CHSY3: variants seen among roughly 807,000 people sequenced by gnomAD.
The protein encoded by CHSY3 is N-acetylgalactosaminyl-proteoglycan 3-beta-glucuronosyltransferase 3.
Under a neutral mutation model 67.2 loss-of-function variants are expected in CHSY3, and 35 were observed. That is an observed-to-expected ratio of 0.52 (90% confidence interval 0.40 to 0.69). CHSY3 has a LOEUF of 0.69. CHSY3 is among the 30% of genes least tolerant of loss of function. The pLI is 0.00. For synonymous variants in CHSY3, 474 were observed against 434.7 expected (o/e 1.09, Z -1.12); for missense variants, 1,069 against 1,138.5 (o/e 0.94, Z 0.88).
At chr5:130,083,201 G>A (rs962797551) in intron 2 of CHSY3, among the ~76,000 whole-genome samples, 2 of 151,808 alleles carry the variant, frequency 1.3e-5, no homozygotes, top group African/African-American at 2.4e-5. Context: ...TGATTCAAAA[G>A]CACTATTTGG....
chr5:130,076,528 CAG>C (rs762141203), intron 2 of CHSY3, among the ~76,000 whole-genome samples: 8 of 151,622 alleles, frequency 5.3e-5, no homozygotes. Flanking sequence ...AATGACCTAA[CAG>C]ATAATTTCAG....
chr5:129,966,949 T>G (rs1762485360), intron 2 of CHSY3, among the ~76,000 whole-genome samples: 2 of 151,676 alleles, frequency 1.3e-5, no homozygotes, highest in African/African-American at 4.8e-5. Flanking sequence ...TTGTGTAGGG[T>G]CTCAACGTGT....
At chr5:129,994,735 A>G (rs1763481532) in intron 2 of CHSY3, among the ~76,000 whole-genome samples, 1 of 152,162 alleles carries the variant, frequency 6.6e-6, no homozygotes. Flanking sequence ...CGATGAGTTC[A>G]TGTCGTTTGT....
At chr5:129,959,724 G>A (rs553621232) in intron 2 of CHSY3, among the ~76,000 whole-genome samples, 65 of 152,206 alleles carry the variant, frequency 4.3e-4, no homozygotes, top group Non-Finnish European at 7.8e-4. Context: ...ATCAGCATAG[G>A]AAAGATGCTG....
chr5:129,927,879 T>TTG (rs141852461), intron 2 of CHSY3, among the ~76,000 whole-genome samples: 5 of 151,730 alleles, frequency 3.3e-5, no homozygotes, highest in East Asian at 3.9e-4. Context: ...ATTCCAGTTT[T>TTG]TGTGTGTGTG....
intron 2 of CHSY3, among the ~76,000 whole-genome samples, chr5:129,944,908 A>C (rs1453804713): frequency 6.6e-6 from 1 of 152,242 alleles, no homozygotes; most frequent in Non-Finnish European, 1.5e-5. Context: ...TAGACAAACA[A>C]AAAATAAGTG....
chr5:129,935,963 A>G (rs1328623919), intron 2 of CHSY3, among the ~76,000 whole-genome samples: 5 of 152,196 alleles, frequency 3.3e-5, no homozygotes, highest in Non-Finnish European at 7.4e-5. Flanking sequence ...TGTTGATTCA[A>G]ACACACTTTT....
intron 2 of CHSY3, among the ~76,000 whole-genome samples, chr5:130,135,547 T>C (rs1194307660): frequency 6.6e-6 from 1 of 152,204 alleles, no homozygotes; most frequent in East Asian, 1.9e-4. Flanking sequence ...ACACCAGTCA[T>C]GTTCCTTCAT....
At chr5:129,971,056 G>T (rs949286947) in intron 2 of CHSY3, among the ~76,000 whole-genome samples, 1 of 151,742 alleles carries the variant, frequency 6.6e-6, no homozygotes, top group Admixed American at 6.6e-5. Flanking sequence ...AAAAATATGT[G>T]AAACTATTTA....
At chr5:130,148,410 C>G (rs1229701323) in intron 2 of CHSY3, among the ~76,000 whole-genome samples, 1 of 152,138 alleles carries the variant, frequency 6.6e-6, no homozygotes, top group Non-Finnish European at 1.5e-5. Context: ...GGTATATACC[C>G]AGTAATGGGA....
At chr5:129,930,516 G>T (rs553251116) in intron 2 of CHSY3, among the ~76,000 whole-genome samples, 5 of 145,114 alleles carry the variant, frequency 3.4e-5, no homozygotes, top group Admixed American at 6.9e-5. Context: ...GGCGGGGGGG[G>T]GGTATGAAGT....
intron 2 of CHSY3, among the ~76,000 whole-genome samples, chr5:130,046,148 A>G (rs1246361137): frequency 6.6e-6 from 1 of 152,154 alleles, no homozygotes; most frequent in Non-Finnish European, 1.5e-5. Context: ...TACTTTATTA[A>G]TATCACATTA....
intron 2 of CHSY3, among the ~76,000 whole-genome samples, chr5:130,099,975 T>A (rs1310918905): frequency 6.7e-6 from 1 of 149,064 alleles, no homozygotes; most frequent in Non-Finnish European, 1.5e-5. Context: ...CTCCACTTTA[T>A]TTTAATTGTA....
intron 2 of CHSY3, among the ~76,000 whole-genome samples, chr5:130,049,854 C>T (rs1765278435): frequency 6.6e-6 from 1 of 151,346 alleles, no homozygotes; most frequent in South Asian, 2.1e-4. Flanking sequence ...GGCTCTTCTG[C>T]TTCATAAAGT....
chr5:129,935,455 C>A (rs192813185), intron 2 of CHSY3, among the ~76,000 whole-genome samples: 147 of 152,236 alleles, frequency 9.7e-4, no homozygotes, highest in African/African-American at 3.4e-3. Context: ...TATTAGTCAT[C>A]CCTTAGAAAG....
At chr5:129,912,102 A>T (rs995304729) in intron 2 of CHSY3, among the ~76,000 whole-genome samples, 1 of 152,098 alleles carries the variant, frequency 6.6e-6, no homozygotes, top group Non-Finnish European at 1.5e-5. Flanking sequence ...TGAAATATGG[A>T]CACCTGTTTT....
intron 2 of CHSY3, among the ~76,000 whole-genome samples, chr5:129,983,965 A>G (rs888151655): frequency 2.0e-5 from 3 of 152,130 alleles, no homozygotes; most frequent in Non-Finnish European, 2.9e-5. Context: ...AAAAATTTTA[A>G]TTGTAGGAAA....
At chr5:130,020,806 T>C (rs1031430033) in intron 2 of CHSY3, among the ~76,000 whole-genome samples, 38 of 152,094 alleles carry the variant, frequency 2.5e-4, no homozygotes, top group Admixed American at 6.6e-5. Context: ...TCTTCTCCTG[T>C]CCCCTACTCA....
chr5:130,085,099 A>T (rs1207002279), intron 2 of CHSY3, among the ~76,000 whole-genome samples: 6 of 152,008 alleles, frequency 3.9e-5, no homozygotes, highest in African/African-American at 1.4e-4. Context: ...CTAACTTTTC[A>T]GGTTAATATT....
Sources: gnomAD v4.1 joint callset for allele counts (sites outside exome capture counted in the v4.1 genomes callset) on GRCh38, gnomAD v4.1.1 for gene constraint, MANE v1.5 for transcripts, NCBI Gene and HGNC (gene_info 2026-07-23, HGNC 2026-07-21) for gene names.